The following OXR1 variants were observed in gnomAD, a reference collection of about 807,000 sequenced individuals.
OXR1 encodes oxidation resistance protein 1.
Under a neutral mutation model 104.6 loss-of-function variants are expected in OXR1, and 41 were observed. The observed-to-expected ratio is 0.39, with a 90% CI of 0.31 to 0.51. OXR1 has a LOEUF of 0.51. Ranked by LOEUF, OXR1 falls within the 20% of genes least tolerant of loss-of-function variation. OXR1 has a pLI of 0.77. For synonymous variants in OXR1, 348 were observed against 348.4 expected (o/e 1.00, Z 0.01); for missense variants, 955 against 1,031.9 (o/e 0.93, Z 1.02).
At chr8:106,584,436 C>T (rs1194292846) in intron 3 of OXR1, among the ~76,000 whole-genome samples, 1 of 151,900 alleles carries the variant, frequency 6.6e-6, no homozygotes, top group Admixed American at 6.6e-5. Context: ...GAAAAAAAGG[C>T]TCACACTCAG....
At chr8:106,282,737 G>T (rs986573486) in intron 1 of OXR1, among the ~76,000 whole-genome samples, 4 of 152,180 alleles carry the variant, frequency 2.6e-5, no homozygotes, top group Admixed American at 2.0e-4. Context: ...GGAGGAGAAA[G>T]AAGAGGGACT....
At position 106,486,749 on chromosome 8, in the gene OXR1, G is replaced by A. The variant is rs139154593; in HGVS notation, c.24-32194G>A. On this transcript the variant is annotated intron_variant, in intron 2 of 16. Transcript: ENST00000517566. Reference sequence around the variant, plus strand: ...TTACATGCATAAAATGACTCTTTTCGTCTTGTCATTTGTTATTTAGGAAGA... The same window carrying A: ...TTACATGCATAAAATGACTCTTTTCATCTTGTCATTTGTTATTTAGGAAGA... Among the ~76,000 whole-genome samples the A allele has an allele frequency of 4.0e-4, 61 of 151,632 alleles. 1 individual carries two copies. In the East Asian group the frequency reaches 9.8e-3, roughly 24 times the overall value.
chr8:106,525,190 A>C (rs1323052636), intron 3 of OXR1, among the ~76,000 whole-genome samples: 2 of 152,244 alleles, frequency 1.3e-5, no homozygotes, highest in African/African-American at 4.8e-5. Context: ...CTCAGAATTC[A>C]GTTGGAGGAC....
intron 2 of OXR1, chr8:106,447,945 C>T: frequency 1.3e-6 from 2 of 1,534,636 alleles, no homozygotes; most frequent in Non-Finnish European, 1.7e-6. Flanking sequence ...TAGTACGGGG[C>T]TCACAGGTAA....
chr8:106,562,979 A>G (rs940202893), intron 3 of OXR1, among the ~76,000 whole-genome samples: 10 of 152,218 alleles, frequency 6.6e-5, no homozygotes, highest in African/African-American at 2.2e-4. Context: ...AGCACTAAAT[A>G]TGGAGAGGAA....
chr8:106,445,866 T>G (rs1008702803), intron 2 of OXR1, among the ~76,000 whole-genome samples: 15 of 152,196 alleles, frequency 9.9e-5, no homozygotes, highest in Admixed American at 9.2e-4. Context: ...AAATGAAATG[T>G]TTGTGGAGCC....
At position 106,306,381 on chromosome 8, in the gene OXR1, C is replaced by T. The variant is rs556279552; in HGVS notation, c.-139+36014C>T. 3.0e-4 allele frequency among the ~76,000 whole-genome samples: 45 copies of T among 152,112 alleles called. No homozygotes were observed. The South Asian group carries it at 8.9e-3, about 30-fold the overall frequency. ...CATTAAACATACACTTAACCTGTGA[C>T]TAGAAAGCAGGTAATAGGGAGGAGC... On this transcript the variant is annotated intron_variant, in intron 1 of 16. Transcript: ENST00000517566.
chr8:106,675,982 C>A (rs1212902361), intron 3 of OXR1, among the ~76,000 whole-genome samples: 1 of 151,990 alleles, frequency 6.6e-6, no homozygotes, highest in African/African-American at 2.4e-5. Context: ...GTGTTGTGTG[C>A]ATATATATAT....
At position 106,359,594 on chromosome 8, in the gene OXR1, C is replaced by G. The variant is rs1283783351; in HGVS notation, c.-20C>G. 6.5e-7 allele frequency: 1 copy of G among 1,545,876 alleles called. No homozygotes were observed. Among genetic ancestry groups the G allele is most frequent in the Non-Finnish European group, 8.8e-7 (1 of 1,141,448 alleles). Reference sequence around the variant, plus strand: ...TTCCTGTTCTGGAATCGAGAGAAGACTCCTCAACAAGTTGCTGCAATGTCT... The same window carrying G: ...TTCCTGTTCTGGAATCGAGAGAAGAGTCCTCAACAAGTTGCTGCAATGTCT... On this transcript the variant is annotated 5_prime_UTR_variant, in exon 2 of 17. Transcript: ENST00000517566.
intron 3 of OXR1, among the ~76,000 whole-genome samples, chr8:106,537,872 G>A (rs549544056): frequency 5.3e-4 from 80 of 152,026 alleles, no homozygotes; most frequent in Non-Finnish European, 9.6e-4. Flanking sequence ...ATAAAGAGAG[G>A]AAGGAGAGAG....
intron 2 of OXR1, among the ~76,000 whole-genome samples, chr8:106,387,097 C>T (rs1563749442): frequency 6.6e-6 from 1 of 152,092 alleles, no homozygotes. Context: ...GTTATGTAAG[C>T]TGGGTACAAA....
chr8:106,439,031 T>G (rs1303803477), intron 2 of OXR1, among the ~76,000 whole-genome samples: 11 of 152,154 alleles, frequency 7.2e-5, no homozygotes. Context: ...GTATTGTTGT[T>G]ACTGCAATTG....
At chr8:106,291,023 G>A (rs1437982748) in intron 1 of OXR1, among the ~76,000 whole-genome samples, 1 of 152,112 alleles carries the variant, frequency 6.6e-6, no homozygotes, top group Non-Finnish European at 1.5e-5. Flanking sequence ...ATTCACAGTA[G>A]CAAAGACATG....
chr8:106,580,590 A>G (rs1818157556), intron 3 of OXR1, among the ~76,000 whole-genome samples: 1 of 152,148 alleles, frequency 6.6e-6, no homozygotes. Flanking sequence ...CATACCAAGA[A>G]CTGAGATTAT....
intron 1 of OXR1, among the ~76,000 whole-genome samples, chr8:106,276,103 G>T (rs1212670572): frequency 6.6e-6 from 1 of 152,094 alleles, no homozygotes; most frequent in Non-Finnish European, 1.5e-5. Flanking sequence ...TGGCTGATGT[G>T]GTTCCTTCTG....
chr8:106,482,036 C>T (rs1443917645), intron 2 of OXR1, among the ~76,000 whole-genome samples: 10 of 152,064 alleles, frequency 6.6e-5, no homozygotes, highest in Admixed American at 6.6e-4. Context: ...TGCCTTCATT[C>T]ATTCATTAAA....
chr8:106,672,753 GTTC>G (rs1325680331), intron 3 of OXR1, among the ~76,000 whole-genome samples: 6 of 152,086 alleles, frequency 3.9e-5, no homozygotes, highest in South Asian at 4.1e-4. Context: ...CCCCCATGCT[GTTC>G]TTCTTGTGAT....
At chr8:106,332,474 A>G (rs1814760352) in intron 1 of OXR1, among the ~76,000 whole-genome samples, 1 of 152,242 alleles carries the variant, frequency 6.6e-6, no homozygotes, top group African/African-American at 2.4e-5. Flanking sequence ...GGCTGATTAT[A>G]GGTGAAACTA....
chr8:106,642,247 T>C (rs1253921615), intron 3 of OXR1, among the ~76,000 whole-genome samples: 2 of 152,242 alleles, frequency 1.3e-5, no homozygotes, highest in African/African-American at 2.4e-5. Context: ...TATTTTCCTA[T>C]GTGGTCACAA....
Sources: allele counts gnomAD v4.1 joint callset (sites outside exome capture counted in the v4.1 genomes callset), GRCh38; gene constraint gnomAD v4.1.1; transcripts MANE v1.5; gene names NCBI Gene and HGNC (gene_info 2026-07-23, HGNC 2026-07-21).